Variants in RCC2 observed in about 807,000 individuals in gnomAD.
The protein encoded by RCC2 is protein RCC2.
Under a neutral mutation model 64.1 loss-of-function variants are expected in RCC2, and 19 were observed. The observed-to-expected ratio is 0.30, with a 90% confidence interval of 0.21 to 0.44. The LOEUF is 0.44. RCC2 is among the 20% of genes least tolerant of loss of function. RCC2 has a pLI of 1.00. For missense variants in RCC2, 508 were observed against 710.4 expected (o/e 0.72, Z 3.24); for synonymous variants, 325 against 279.6 (o/e 1.16, Z -1.62).
intron 6 of RCC2, among the ~76,000 whole-genome samples, chr1:17,421,926 G>A (rs904047918): frequency 1.3e-5 from 2 of 152,138 alleles, no homozygotes; most frequent in African/African-American, 4.8e-5. Context: ...TCCAGAGGCT[G>A]AGGCCGGGGA....
At chr1:17,415,935 G>T (rs1471982489) in intron 8 of RCC2, among the ~76,000 whole-genome samples, 1 of 151,812 alleles carries the variant, frequency 6.6e-6, no homozygotes, top group East Asian at 1.9e-4. Context: ...GGGGCATGGT[G>T]GCGCATGCCT....
At chr1:17,409,339 C>T (rs2075400404) in intron 12 of RCC2, 145 bp from the exon 13 acceptor site, 2 of 635,758 alleles carry the variant, frequency 3.1e-6, no homozygotes, top group Admixed American at 2.6e-5. Flanking sequence ...CCCCTCTGCC[C>T]AAGACAGCTA....
At chr1:17,409,314 G>C in intron 12 of RCC2, 120 bp from the exon 13 acceptor site, 1 of 695,134 alleles carries the variant, frequency 1.4e-6, no homozygotes, top group Non-Finnish European at 2.6e-6. Context: ...GAGTGCCCTT[G>C]AAAACTGCAA....
chr1:17,420,318 C>G (rs1400448357), intron 7 of RCC2, among the ~76,000 whole-genome samples: 1 of 152,218 alleles, frequency 6.6e-6, no homozygotes, highest in Non-Finnish European at 1.5e-5. Flanking sequence ...CCGAAATAAT[C>G]GCCCAGGCCA....
chr1:17,429,779 C>T (rs1014920275), intron 2 of RCC2, among the ~76,000 whole-genome samples: 1 of 152,150 alleles, frequency 6.6e-6, no homozygotes, highest in African/African-American at 2.4e-5. Flanking sequence ...CTGAATCAGG[C>T]GGCCTTTGAT....
Position 17,408,895 on chromosome 1 carries a change from A to T in RCC2, c.*195T>A. The T allele has an allele frequency of 3.7e-6, 2 of 535,458 alleles. No individual in the cohort carries two copies. Among genetic ancestry groups the T allele is most frequent in the Non-Finnish European group, 6.7e-6 (2 of 299,230 alleles). 33.2% of individuals were successfully genotyped at this position (535,458 alleles called of 1,614,324 possible). The stretch of plus-strand genomic sequence containing the variant: ...ATTCAACATTAAGGGAAAAAAAAGG[A>T]CTTTGGAAAGCATACAGAAAAAAAG... On this transcript the variant is annotated 3_prime_UTR_variant, in exon 13 of 13. Transcript: ENST00000375436.
intron 8 of RCC2, among the ~76,000 whole-genome samples, chr1:17,415,475 G>A (rs1360461198): frequency 6.6e-6 from 1 of 152,136 alleles, no homozygotes; most frequent in East Asian, 1.9e-4. Context: ...CACTTTGGGA[G>A]GCCGAGGCAG....
In RCC2 at chr1:17,436,174, G is replaced by A. The variant is rs137963578; in HGVS notation, c.285+2056C>T. Among the ~76,000 whole-genome samples, 14 of 152,288 alleles carry A rather than the reference G, an allele frequency of 9.2e-5. No homozygotes were observed. The East Asian group carries it at 2.7e-3, about 29-fold the overall frequency. ...TATGTGTATAAACAGGAACTTAAAA[G>A]CTGCAATGGACTGCTGTTTACTCAC... On this transcript the variant is annotated intron_variant, in intron 2 of 12. Transcript: ENST00000375436.
chr1:17,423,879 T>C (rs565315805), intron 4 of RCC2, among the ~76,000 whole-genome samples: 1 of 152,214 alleles, frequency 6.6e-6, no homozygotes, highest in Non-Finnish European at 1.5e-5. Flanking sequence ...CCAGCTGTCC[T>C]GGAGAAGGCT....
chr1:17,437,785 C>T (rs1316899253), intron 2 of RCC2, among the ~76,000 whole-genome samples: 2 of 146,842 alleles, frequency 1.4e-5, no homozygotes, highest in Non-Finnish European at 1.5e-5. Context: ...CGGCCGCCCC[C>T]TCCCCGCGGC....
In RCC2 at chr1:17,430,789, C is replaced by T. The variant is rs546470094; in HGVS notation, c.286-1590G>A. On this transcript the variant is annotated intron_variant, in intron 2 of 12. Coordinates refer to ENST00000375436, the MANE Select transcript of RCC2 (RefSeq NM_018715.4). ...TGCTGCCCAGGCTGGAGTGCAGTGG[C>T]GTGATCTCGGCTTGCTGCAACCTCT... 2.0e-4 allele frequency among the ~76,000 whole-genome samples: 30 copies of T among 150,476 alleles called. No individual in the cohort carries two copies. In the South Asian group the frequency reaches 5.5e-3, roughly 28 times the overall value.
At chr1:17,411,269 C>T (rs1183890768) in intron 11 of RCC2, among the ~76,000 whole-genome samples, 1 of 152,088 alleles carries the variant, frequency 6.6e-6, no homozygotes, top group Non-Finnish European at 1.5e-5. Context: ...GCTAGTCTTC[C>T]TAACAAAAAC....
chr1:17,423,484 T>C (rs2075578966), intron 4 of RCC2, among the ~76,000 whole-genome samples: 1 of 152,204 alleles, frequency 6.6e-6, no homozygotes, highest in African/African-American at 2.4e-5. Flanking sequence ...CTGCTGCAGG[T>C]GCGACCAAGG....
At chr1:17,438,904 A>T (rs1410741463) in intron 1 of RCC2, among the ~76,000 whole-genome samples, 1 of 152,208 alleles carries the variant, frequency 6.6e-6, no homozygotes, top group Non-Finnish European at 1.5e-5. Flanking sequence ...GCTTCGGGAC[A>T]CTTCCAGGAT....
intron 2 of RCC2, among the ~76,000 whole-genome samples, chr1:17,436,353 A>G (rs546035311): frequency 2.0e-5 from 3 of 152,180 alleles, no homozygotes; most frequent in Non-Finnish European, 4.4e-5. Context: ...AAAGTACAAA[A>G]ATTATTCGGG....
intron 10 of RCC2, 55 bp from the exon 11 acceptor site, chr1:17,412,249 G>A: frequency 3.2e-6 from 5 of 1,546,452 alleles, no homozygotes; most frequent in East Asian, 2.2e-5. Flanking sequence ...CTGCACCCAC[G>A]CAGCTATGGC....
At position 17,412,928 on chromosome 1, in the gene RCC2, G is replaced by T. The variant is rs1570173780; in HGVS notation, c.1313+145C>A. 5 of 636,436 alleles carry T rather than the reference G, an allele frequency of 7.9e-6. No individual in the cohort carries two copies. The East Asian group carries it at 1.1e-4, about 14-fold the overall frequency. The allele number at this position is 636,436 out of a possible 1,614,324, so 39.4% of individuals were successfully genotyped here. A position where few individuals can be genotyped will look rare whatever the true frequency, so the allele number is the denominator to read the frequency against. The stretch of plus-strand genomic sequence containing the variant: ...TCCCCTCCTGTACCCCCGGACTCTG[G>T]GATTCAGTGTGTCAGATGGCCTGCT... On this transcript the variant is annotated intron_variant, in intron 10 of 12. Coordinates refer to ENST00000375436, the MANE Select transcript of RCC2 (RefSeq NM_018715.4).
At chr1:17,436,370 G>A (rs2075735653) in intron 2 of RCC2, among the ~76,000 whole-genome samples, 1 of 152,146 alleles carries the variant, frequency 6.6e-6, no homozygotes. Flanking sequence ...CGGGTGTGGT[G>A]GAACACACTT....
chr1:17,428,323 T>C (rs946310558), intron 3 of RCC2, among the ~76,000 whole-genome samples: 2 of 152,242 alleles, frequency 1.3e-5, no homozygotes, highest in Non-Finnish European at 2.9e-5. Flanking sequence ...GGCTGGGCAT[T>C]TTCCAAACAA....
Sources: allele counts gnomAD v4.1 joint callset (sites outside exome capture counted in the v4.1 genomes callset), GRCh38; gene constraint gnomAD v4.1.1; transcripts MANE v1.5; gene names NCBI Gene and HGNC (gene_info 2026-07-23, HGNC 2026-07-21).